The following MPHOSPH9 variants were observed in gnomAD, a reference collection of about 807,000 sequenced individuals.
MPHOSPH9 encodes the protein M-phase phosphoprotein 9.
Under a neutral mutation model 145.5 loss-of-function variants are expected in MPHOSPH9, and 88 were observed. The ratio of observed to expected loss-of-function variants is 0.60; its 90% CI spans 0.51 to 0.72. The LOEUF (loss-of-function observed/expected upper bound fraction) is 0.72, where lower values mean the gene tolerates loss of function less well. Among genes scored for constraint, MPHOSPH9 ranks in the 30% least tolerant of loss-of-function variants. The pLI is 0.00. For synonymous variants in MPHOSPH9, 435 were observed against 486.2 expected (o/e 0.89, Z 1.39); for missense variants, 1,238 against 1,386.6 (o/e 0.89, Z 1.70).
At chr12:123,182,263 T>TTTTTTTTTTTTTTTTC (rs2045214369) in intron 13 of MPHOSPH9, among the ~76,000 whole-genome samples, 1 of 81,722 alleles carries the variant, frequency 1.2e-5, no homozygotes, top group Non-Finnish European at 2.4e-5. Flanking sequence ...TTTTTTTTGT[T>TTTTTTTTTTTTTTTTC]TTTTTTTTTT....
intron 1 of MPHOSPH9, among the ~76,000 whole-genome samples, chr12:123,239,567 T>C (rs2047898768): frequency 6.6e-6 from 1 of 152,040 alleles, no homozygotes; most frequent in Non-Finnish European, 1.5e-5. Flanking sequence ...CATGCCCAGC[T>C]AATTTTTTGT....
chr12:123,176,307 G>A (rs2044860835), intron 16 of MPHOSPH9, among the ~76,000 whole-genome samples: 1 of 152,088 alleles, frequency 6.6e-6, no homozygotes. Context: ...CATCTTCATA[G>A]TTCCTTCCAT....
At chr12:123,178,888 T>A (rs1039013144) in intron 15 of MPHOSPH9, among the ~76,000 whole-genome samples, 11 of 152,198 alleles carry the variant, frequency 7.2e-5, no homozygotes, top group African/African-American at 2.2e-4. Flanking sequence ...CCTACCTAAT[T>A]AAACAAATCA....
chr12:123,182,156 G>A (rs2045194482), intron 13 of MPHOSPH9, among the ~76,000 whole-genome samples: 1 of 150,768 alleles, frequency 6.6e-6, no homozygotes, highest in Non-Finnish European at 1.5e-5. Context: ...GGCCAGGATG[G>A]TCTTGATCTC....
chr12:123,185,034 C>T (rs1298271601), intron 13 of MPHOSPH9, among the ~76,000 whole-genome samples: 2 of 152,058 alleles, frequency 1.3e-5, no homozygotes, highest in African/African-American at 4.8e-5. Context: ...AAATTCCTGG[C>T]CTCAAGTGAT....
At chr12:123,195,521 G>T (rs2045906685) in intron 12 of MPHOSPH9, among the ~76,000 whole-genome samples, 1 of 152,032 alleles carries the variant, frequency 6.6e-6, no homozygotes, top group Admixed American at 6.6e-5. Flanking sequence ...AGGAGGCGGA[G>T]GTGGCAACGA....
At chr12:123,166,931 G>T in intron 16 of MPHOSPH9, 142 bp from the exon 17 acceptor site, 10 of 879,036 alleles carry the variant, frequency 1.1e-5, no homozygotes, top group South Asian at 6.5e-5. Context: ...TCTATATTTT[G>T]GATACAATTT....
At chr12:123,240,842 T>C (rs553547933) in intron 1 of MPHOSPH9, among the ~76,000 whole-genome samples, 1 of 148,896 alleles carries the variant, frequency 6.7e-6, no homozygotes, top group Admixed American at 6.8e-5. Flanking sequence ...GAAGCGATTC[T>C]CCTGCCTCAG....
chr12:123,216,988 C>G (rs2046991944), intron 6 of MPHOSPH9, among the ~76,000 whole-genome samples: 1 of 108,024 alleles, frequency 9.3e-6, no homozygotes, highest in Non-Finnish European at 2.1e-5. Flanking sequence ...GACTCCATGT[C>G]AAAAAAATAA....
chr12:123,196,785 T>C (rs1280817474), intron 12 of MPHOSPH9, among the ~76,000 whole-genome samples: 2 of 152,100 alleles, frequency 1.3e-5, no homozygotes, highest in Non-Finnish European at 2.9e-5. Context: ...TAAACAAAAA[T>C]GTGGTATTAT....
intron 5 of MPHOSPH9, among the ~76,000 whole-genome samples, chr12:123,221,152 T>C (rs1478005033): frequency 6.6e-6 from 1 of 152,274 alleles, no homozygotes; most frequent in Non-Finnish European, 1.5e-5. Context: ...TTCTATTTTC[T>C]GGCAAAGCTT....
Position 123,227,456 on chromosome 12 carries a change from T to A in MPHOSPH9, c.258+7A>T. 1 of 1,465,682 alleles carries A rather than the reference T, an allele frequency of 6.8e-7. No homozygotes were observed. The highest frequency in any genetic ancestry group is 9.0e-7 in the Non-Finnish European group (1 of 1,110,686). 90.8% of individuals were successfully genotyped at this position (1,465,682 alleles called of 1,614,324 possible). A position where few individuals can be genotyped will look rare whatever the true frequency, so the allele number is the denominator to read the frequency against. On this transcript the variant is annotated splice_region_variant and intron_variant, in intron 3 of 23. Transcript: ENST00000606320. ...TAAAATTCCAAAAATAAAACAAAAT[T>A]AGATACCTCACAGTTTTTCCAAAGT... is the stretch of plus-strand genomic sequence containing the variant.
intron 16 of MPHOSPH9, 23 bp from the exon 17 acceptor site, chr12:123,166,812 G>T: frequency 6.2e-7 from 1 of 1,608,460 alleles, no homozygotes; most frequent in Non-Finnish European, 8.5e-7. Context: ...AAACGGTCAG[G>T]CATTATAAAG....
At chr12:123,162,439 A>C in intron 20 of MPHOSPH9, 75 of 302,030 alleles carry the variant, frequency 2.5e-4, no homozygotes, top group East Asian at 4.5e-4. Context: ...ACATTATCTC[A>C]TTTGATATTT....
intron 1 of MPHOSPH9, among the ~76,000 whole-genome samples, chr12:123,239,558 A>G (rs2047898614): frequency 6.6e-6 from 1 of 152,048 alleles, no homozygotes; most frequent in South Asian, 2.1e-4. Context: ...ACGTGCAACC[A>G]TGCCCAGCTA....
At position 123,221,422 on chromosome 12, in the gene MPHOSPH9, A is replaced by T. The variant is rs762130829; in HGVS notation, c.822T>A (p.Asn274Lys). Reference protein sequence around the residue: ...VSISPGEFEHNFLGENKVSEV... With the variant: ...VSISPGEFEHKFLGENKVSEV... ...CAGAAACCTTATTTTCACCAAGAAAATTATGTTCAAATTCACCAGGAGAAA... is the reference window on the plus strand; with the variant it reads ...CAGAAACCTTATTTTCACCAAGAAATTTATGTTCAAATTCACCAGGAGAAA... The change falls in exon 5 of 24, where the codon AAT (asparagine) becomes AAA (lysine). Residue 274 changes from asparagine to lysine, a missense_variant. Around this residue, in one of 3 missense-constraint regions of MPHOSPH9, gnomAD observed 837 missense variants for 897.5 expected, o/e 0.93. Transcript: ENST00000606320. 1 of 1,610,272 alleles carries T rather than the reference A, an allele frequency of 6.2e-7. No homozygotes were observed. The highest frequency in any genetic ancestry group is 2.2e-5 in the East Asian group (1 of 44,874).
intron 5 of MPHOSPH9, among the ~76,000 whole-genome samples, chr12:123,221,070 A>T (rs746147703): frequency 6.6e-6 from 1 of 152,200 alleles, no homozygotes; most frequent in African/African-American, 2.4e-5. Context: ...ACGAAAAAAA[A>T]TTGTTCAAAT....
At chr12:123,186,534 G>C (rs1283019496) in intron 13 of MPHOSPH9, among the ~76,000 whole-genome samples, 3 of 152,058 alleles carry the variant, frequency 2.0e-5, no homozygotes, top group Middle Eastern at 6.3e-3. Flanking sequence ...TCATGTCATA[G>C]GCAATAAAAC....
intron 1 of MPHOSPH9, among the ~76,000 whole-genome samples, chr12:123,240,873 C>A (rs1421414173): frequency 2.6e-5 from 4 of 151,472 alleles, no homozygotes; most frequent in Non-Finnish European, 5.9e-5. Flanking sequence ...CCACTGCACC[C>A]AGCTAATTTT....
Sources: gnomAD v4.1 joint callset for allele counts (sites outside exome capture counted in the v4.1 genomes callset) on GRCh38, gnomAD v4.1.1 for gene constraint, gnomAD v4.1.1 regional missense constraint, MANE v1.5 for transcripts, NCBI Gene and HGNC (gene_info 2026-07-23, HGNC 2026-07-21) for gene names.